The following MRAS variants were observed in gnomAD, a reference collection of about 807,000 sequenced individuals.
The protein encoded by MRAS is ras-related protein M-Ras.
A neutral mutation model predicts 20.9 loss-of-function variants in MRAS; 4 were observed. The ratio of observed to expected loss-of-function variants is 0.19; its 90% CI spans 0.09 to 0.44. The LOEUF is 0.44. MRAS is among the 20% of genes least tolerant of loss of function. The pLI, the probability that MRAS is intolerant of heterozygous loss-of-function variation, is 0.99. For synonymous variants in MRAS, 98 were observed against 102.9 expected (o/e 0.95, Z 0.29); for missense variants, 154 against 277.5 (o/e 0.56, Z 3.16).
intron 1 of MRAS, among the ~76,000 whole-genome samples, chr3:138,351,024 A>G (rs2054216860): frequency 6.6e-6 from 1 of 152,030 alleles, no homozygotes; most frequent in South Asian, 2.1e-4. Flanking sequence ...ATCACCTGGA[A>G]CCAGGAATGA....
chr3:138,393,398 C>T (rs1382580954), intron 2 of MRAS, among the ~76,000 whole-genome samples: 3 of 152,118 alleles, frequency 2.0e-5, no homozygotes, highest in African/African-American at 4.8e-5. Context: ...CTGTTTTCTT[C>T]GCTTACCACT....
chr3:138,382,742 G>T (rs964155500), intron 2 of MRAS, among the ~76,000 whole-genome samples: 3 of 152,212 alleles, frequency 2.0e-5, no homozygotes, highest in African/African-American at 7.2e-5. Context: ...TTCCAGATTT[G>T]TCAGCATCCC....
intron 5 of MRAS, among the ~76,000 whole-genome samples, chr3:138,401,889 A>G (rs2055367313): frequency 6.6e-6 from 1 of 152,228 alleles, no homozygotes; most frequent in Admixed American, 6.5e-5. Flanking sequence ...ATGTAAATGT[A>G]GCTACAACAT....
chr3:138,399,464 G>A (rs892643164), intron 4 of MRAS, among the ~76,000 whole-genome samples: 5 of 152,156 alleles, frequency 3.3e-5, no homozygotes, highest in African/African-American at 1.2e-4. Flanking sequence ...CGATGATGAT[G>A]GATGGGAAGA....
chr3:138,369,023 G>A (rs1385125012), intron 1 of MRAS, among the ~76,000 whole-genome samples: 1 of 152,154 alleles, frequency 6.6e-6, no homozygotes, highest in Non-Finnish European at 1.5e-5. Flanking sequence ...TTGATTCCAA[G>A]GGTCCTGTCT....
chr3:138,360,028 A>T (rs950668884), intron 1 of MRAS, among the ~76,000 whole-genome samples: 3 of 152,196 alleles, frequency 2.0e-5, no homozygotes, highest in Non-Finnish European at 4.4e-5. Context: ...TGCAGATATT[A>T]TGTTGCAGCA....
intron 2 of MRAS, among the ~76,000 whole-genome samples, chr3:138,389,516 G>C (rs1206958525): frequency 6.7e-6 from 1 of 148,440 alleles, no homozygotes; most frequent in Non-Finnish European, 1.5e-5. Context: ...GAGGGGAAAG[G>C]GCATTCTAGA....
At chr3:138,360,434 C>T (rs1690372834) in intron 1 of MRAS, among the ~76,000 whole-genome samples, 1 of 152,200 alleles carries the variant, frequency 6.6e-6, no homozygotes, top group Admixed American at 6.5e-5. Context: ...ACAACCTTAG[C>T]TGTACTCTGG....
intron 2 of MRAS, among the ~76,000 whole-genome samples, chr3:138,378,704 T>TC (rs1348921126): frequency 1.6e-4 from 24 of 152,326 alleles, no homozygotes; most frequent in African/African-American, 5.5e-4. Context: ...TAGAGTTTTG[T>TC]GTTTGTTTGT....
At chr3:138,381,069 G>A (rs1409840243) in intron 2 of MRAS, among the ~76,000 whole-genome samples, 3 of 152,160 alleles carry the variant, frequency 2.0e-5, no homozygotes, top group South Asian at 2.1e-4. Flanking sequence ...CGCCACGCCC[G>A]GCCTTCTCTC....
intron 1 of MRAS, chr3:138,349,981 A>C (rs1397624278): frequency 6.6e-6 from 1 of 152,222 alleles, no homozygotes; most frequent in East Asian, 1.9e-4. Flanking sequence ...TCATATCTGA[A>C]GTCCATGCTT....
chr3:138,361,355 G>A (rs903228679), intron 1 of MRAS, among the ~76,000 whole-genome samples: 95 of 152,324 alleles, frequency 6.2e-4, no homozygotes, highest in African/African-American at 2.2e-3. Context: ...CTCTGTGCTT[G>A]GGTTAGTTGG....
intron 2 of MRAS, among the ~76,000 whole-genome samples, chr3:138,384,735 G>A (rs1560179051): frequency 2.0e-5 from 3 of 152,096 alleles, no homozygotes; most frequent in South Asian, 4.2e-4. Flanking sequence ...ATGTGACTGC[G>A]GTTAGAGAAG....
chr3:138,400,750 G>A (rs1161497958), intron 5 of MRAS, 137 bp downstream of exon 5: 7 of 722,370 alleles, frequency 9.7e-6, no homozygotes, highest in African/African-American at 1.8e-5. Flanking sequence ...TGGATTTCTT[G>A]TCCCTCCTTC....
chr3:138,378,401 C>A (rs2108528342), intron 2 of MRAS, among the ~76,000 whole-genome samples: 1 of 152,342 alleles, frequency 6.6e-6, no homozygotes, highest in Non-Finnish European at 1.5e-5. Flanking sequence ...GGCTGTGGGA[C>A]CCCCAGGCTT....
At chr3:138,373,314 A>G (rs995912532) in intron 2 of MRAS, among the ~76,000 whole-genome samples, 3 of 152,252 alleles carry the variant, frequency 2.0e-5, no homozygotes, top group Admixed American at 2.0e-4. Flanking sequence ...GGCTAGAATC[A>G]TGCCAACTCA....
chr3:138,355,539 A>G (rs149470221), intron 1 of MRAS, among the ~76,000 whole-genome samples: 6 of 152,360 alleles, frequency 3.9e-5, no homozygotes, highest in African/African-American at 9.6e-5. Context: ...ATCTGGTTTC[A>G]TAATAGATAG....
chr3:138,377,561 C>T (rs2054810749), intron 2 of MRAS, among the ~76,000 whole-genome samples: 1 of 152,192 alleles, frequency 6.6e-6, no homozygotes, highest in African/African-American at 2.4e-5. Flanking sequence ...TAACTCTGAA[C>T]CTTTCTGGGG....
chr3:138,400,702 T>G, intron 5 of MRAS, 89 bp downstream of exon 5: 1 of 1,095,126 alleles, frequency 9.1e-7, no homozygotes, highest in Non-Finnish European at 1.4e-6. Context: ...CAGCTCCTGT[T>G]CTGAGGCCAT....
Sources: allele counts gnomAD v4.1 joint callset (sites outside exome capture counted in the v4.1 genomes callset), GRCh38; gene constraint gnomAD v4.1.1; transcripts MANE v1.5; gene names NCBI Gene and HGNC (gene_info 2026-07-23, HGNC 2026-07-21).